Variants in IPO11 observed in about 807,000 individuals in gnomAD.
IPO11 encodes the protein importin 11.
Under a neutral mutation model 143.2 loss-of-function variants are expected in IPO11, and 66 were observed. The observed-to-expected ratio is 0.46, with a 90% confidence interval of 0.38 to 0.57. The LOEUF (loss-of-function observed/expected upper bound fraction) is 0.57, where lower values mean the gene tolerates loss of function less well. IPO11 is among the 20% of genes least tolerant of loss of function. The probability of loss-of-function intolerance (pLI) is 0.00; values close to 1 mark genes in which losing one functional copy is unlikely to be tolerated. For synonymous variants in IPO11, 385 were observed against 377.8 expected, an observed-to-expected ratio of 1.02 and a Z score of -0.22; for missense variants, 1,026 against 1,141.0, an observed-to-expected ratio of 0.90 and a Z score of 1.45.
rs573643260 is a variant in IPO11, at chr5:62,492,876, C to T, written c.1464-1122C>T. 2.6e-5 allele frequency among the ~76,000 whole-genome samples: 4 copies of T among 151,922 alleles called. No homozygotes were observed. The South Asian group carries it at 8.3e-4, about 32-fold the overall frequency. ...TTAATGAGCAGTTTTTTCCTGTGTG[C>T]TTGATCATCTTTTAAAATTGCAATT... is the stretch of plus-strand genomic sequence containing the variant. On this transcript the variant is annotated intron_variant, in intron 15 of 29. Transcript: ENST00000325324.
At chr5:62,568,994 T>C (rs918001703) in intron 27 of IPO11, among the ~76,000 whole-genome samples, 1 of 152,200 alleles carries the variant, frequency 6.6e-6, no homozygotes, top group African/African-American at 2.4e-5. Flanking sequence ...AGGTGTGCTG[T>C]TCACCAGCCT....
At chr5:62,462,546 A>T (rs1162585298) in intron 5 of IPO11, among the ~76,000 whole-genome samples, 2 of 150,484 alleles carry the variant, frequency 1.3e-5, no homozygotes, top group South Asian at 4.2e-4. Flanking sequence ...TACTGTTTTT[A>T]TTTTTTACAG....
intron 29 of IPO11, among the ~76,000 whole-genome samples, chr5:62,625,798 A>T (rs1359485774): frequency 6.6e-6 from 1 of 152,210 alleles, no homozygotes; most frequent in Non-Finnish European, 1.5e-5. Context: ...CACTTATATA[A>T]GCTAATACAT....
At chr5:62,581,268 T>A (rs1391229698) in intron 27 of IPO11, 1 of 1,538,096 alleles carries the variant, frequency 6.5e-7, no homozygotes, top group Non-Finnish European at 8.7e-7. Flanking sequence ...TTCCTGAAAA[T>A]GAGGCACAGG....
chr5:62,508,552 TTTCTTCTTTC>T (rs960067402), intron 19 of IPO11, among the ~76,000 whole-genome samples: 24 of 152,138 alleles, frequency 1.6e-4, no homozygotes, highest in African/African-American at 3.1e-4. Flanking sequence ...TCCTTCTTTC[TTTCTTCTTTC>T]TTCTTCTTTC....
chr5:62,586,768 A>AAAATATAT (rs1554057003), intron 27 of IPO11, among the ~76,000 whole-genome samples: 6 of 28,912 alleles, frequency 2.1e-4, no homozygotes, highest in African/African-American at 5.3e-4. Flanking sequence ...AAAAAAAAAA[A>AAAATATAT]ATATATATAT....
intron 19 of IPO11, among the ~76,000 whole-genome samples, chr5:62,514,624 G>GAGAGGT (rs1405476075): frequency 6.7e-6 from 1 of 148,736 alleles, no homozygotes; most frequent in Non-Finnish European, 1.5e-5. Context: ...GAGGGAGAGG[G>GAGAGGT]AGAGGGAGAG....
intron 1 of IPO11, among the ~76,000 whole-genome samples, chr5:62,422,145 T>G (rs1009509308): frequency 2.6e-5 from 4 of 152,206 alleles, no homozygotes; most frequent in African/African-American, 9.7e-5. Context: ...ATTTATTTTT[T>G]GAGATGGAAT....
Position 62,451,769 on chromosome 5 carries a change from A to G in IPO11, c.352A>G (p.Arg118Gly). 6.2e-7 allele frequency: 1 copy of G among 1,614,162 alleles called. No individual in the cohort carries two copies. The highest frequency in any genetic ancestry group is 8.5e-7 in the Non-Finnish European group (1 of 1,180,032). ...QIAVLIAKVA[R>G]LDCPRQWPEL... is the part of the protein sequence containing the mutation. ...TGCAGTGCTCATTGCAAAAGTTGCT[A>G]GATTGGATTGTCCCAGACAGTGGCC... Residue 118 changes from arginine (R) to glycine (G), a missense_variant, in exon 5 of 30, where the codon AGA becomes GGA. Around this residue, in one of 5 missense-constraint regions of IPO11, gnomAD observed 429 missense variants for 456.3 expected, o/e 0.94. Transcript: ENST00000325324.
chr5:62,618,835 C>T (rs1746240326), intron 29 of IPO11, among the ~76,000 whole-genome samples: 1 of 152,158 alleles, frequency 6.6e-6, no homozygotes, highest in South Asian at 2.1e-4. Flanking sequence ...TCCTTCCCCC[C>T]AAAAGCCCCT....
intron 27 of IPO11, among the ~76,000 whole-genome samples, chr5:62,567,667 A>G (rs999157521): frequency 6.7e-6 from 1 of 149,768 alleles, no homozygotes; most frequent in Non-Finnish European, 1.5e-5. Context: ...GGTTCAAGCA[A>G]TTCTTCTGCC....
intron 29 of IPO11, among the ~76,000 whole-genome samples, chr5:62,605,659 C>G (rs2112455625): frequency 6.6e-6 from 1 of 151,614 alleles, no homozygotes; most frequent in East Asian, 1.9e-4. Context: ...TTTCCAAATT[C>G]TAGTTTTGAG....
chr5:62,482,559 T>C (rs1580230874), intron 9 of IPO11, among the ~76,000 whole-genome samples: 1 of 152,304 alleles, frequency 6.6e-6, no homozygotes, highest in East Asian at 1.9e-4. Context: ...TCAGCAGCTT[T>C]TCTCTTATTT....
chr5:62,443,252 T>C (rs1397103296), intron 3 of IPO11, 169 bp downstream of exon 3: 1 of 447,818 alleles, frequency 2.2e-6, no homozygotes, highest in Non-Finnish European at 3.9e-6. Context: ...GCAAGGATGA[T>C]GTGGAGATTT....
intron 1 of IPO11, among the ~76,000 whole-genome samples, chr5:62,435,202 A>ATATATG (rs1561309190): frequency 2.8e-5 from 3 of 107,016 alleles, no homozygotes; most frequent in Admixed American, 2.1e-4. Context: ...ATATATATGT[A>ATATATG]TATATATGTG....
In IPO11 at chr5:62,490,185, C is replaced by T; in HGVS notation, c.1428C>T (p.Asn476=). The T allele has an allele frequency of 1.9e-6, 3 of 1,603,464 alleles. No individual in the cohort carries two copies. The highest frequency in any genetic ancestry group is 1.7e-6 in the Non-Finnish European group (2 of 1,174,968). Reference sequence around the variant, plus strand: ...TTGATTTTGATCAGTGGTTTAAAAACCAGCTTCTTCCAGAATTACAAGTCA... The same window carrying T: ...TTGATTTTGATCAGTGGTTTAAAAATCAGCTTCTTCCAGAATTACAAGTCA... ...DSVDFDQWFK[N]QLLPELQVIH... The change falls in exon 15 of 30, where the codon AAC becomes AAT. Residue 476 remains asparagine (N), a synonymous_variant. Coordinates refer to ENST00000325324, the MANE Select transcript of IPO11 (RefSeq NM_016338.5).
intron 16 of IPO11, 84 bp downstream of exon 16, chr5:62,494,208 T>G: frequency 8.0e-7 from 1 of 1,257,780 alleles, no homozygotes; most frequent in Non-Finnish European, 1.1e-6. Context: ...TTTATGTCTT[T>G]TCTTTATGAT....
At chr5:62,594,073 A>C (rs1745128300) in intron 28 of IPO11, among the ~76,000 whole-genome samples, 1 of 152,204 alleles carries the variant, frequency 6.6e-6, no homozygotes, top group Non-Finnish European at 1.5e-5. Flanking sequence ...TTGAATTCTT[A>C]TTATAGTCTC....
intron 29 of IPO11, among the ~76,000 whole-genome samples, chr5:62,604,041 G>C (rs1745608466): frequency 6.6e-6 from 1 of 152,134 alleles, no homozygotes; most frequent in African/African-American, 2.4e-5. Context: ...TAGCCTAGGT[G>C]TATTGTAGGC....
Sources: allele counts gnomAD v4.1 joint callset (sites outside exome capture counted in the v4.1 genomes callset), GRCh38; gene constraint gnomAD v4.1.1; regional missense constraint gnomAD v4.1.1; transcripts MANE v1.5; gene names NCBI Gene and HGNC (gene_info 2026-07-23, HGNC 2026-07-21).